Variants in SMCO2 observed in about 807,000 individuals in gnomAD.
The protein encoded by SMCO2 is single-pass membrane protein with coiled-coil domains 2.
SMCO2 carries 25 observed loss-of-function variants against 29.5 expected under a neutral mutation model. The ratio of observed to expected loss-of-function variants is 0.85; its 90% CI spans 0.62 to 1.18. The LOEUF (loss-of-function observed/expected upper bound fraction) is 1.18, where lower values mean the gene tolerates loss of function less well. SMCO2 is among the 50% of genes most tolerant of loss of function. SMCO2 has a pLI of 0.00. For synonymous variants in SMCO2, 117 were observed against 123.3 expected, an observed-to-expected ratio of 0.95 and a Z score of 0.34; for missense variants, 348 against 344.5, an observed-to-expected ratio of 1.01 and a Z score of -0.08.
the SMCO2 span, among the ~76,000 whole-genome samples, chr12:27,428,589 A>C: frequency 6.7e-6 from 1 of 150,060 alleles, no homozygotes; most frequent in Admixed American, 6.7e-5. Flanking sequence ...CTCAGCCACT[A>C]GTCACTGTGG....
chr12:27,459,223 G>A, the SMCO2 span, among the ~76,000 whole-genome samples: 1 of 150,620 alleles, frequency 6.6e-6, no homozygotes, highest in Admixed American at 6.6e-5. Context: ...GATTTGAATG[G>A]TAGACTGGAT....
chr12:27,438,886 G>A, the SMCO2 span, among the ~76,000 whole-genome samples: 1 of 151,934 alleles, frequency 6.6e-6, no homozygotes, highest in Non-Finnish European at 1.5e-5. Flanking sequence ...ACAGAGAAAT[G>A]GAAGAACTCT....
At chr12:27,439,232 G>T in the SMCO2 span, among the ~76,000 whole-genome samples, 1 of 152,288 alleles carries the variant, frequency 6.6e-6, no homozygotes, top group South Asian at 2.1e-4. Flanking sequence ...TGGCTGTTAG[G>T]AGGTATGTTC....
the SMCO2 span, among the ~76,000 whole-genome samples, chr12:27,432,256 T>C: frequency 6.6e-6 from 1 of 152,242 alleles, no homozygotes; most frequent in Non-Finnish European, 1.5e-5. Context: ...GCAGAAGCTT[T>C]TAAGTTTGAT....
At position 27,474,886 on chromosome 12, in the gene SMCO2, A is replaced by G; in HGVS notation, c.335A>G (p.Gln112Arg). ...GACCCTCAAGCGTCTACATCTCTGC[A>G]GTTTTCAAAGAAGAACCTCCTTGAA... Residue 112 changes from glutamine (Q) to arginine (R), a missense_variant, in exon 4 of 8, where the codon CAG becomes CGG. By Grantham distance (43) the Gln-to-Arg change is conservative. Transcript: ENST00000298876. 3.9e-6 allele frequency: 6 copies of G among 1,551,406 alleles called. No individual in the cohort carries two copies. The South Asian group carries it at 7.1e-5, about 18-fold the overall frequency.
chr12:27,459,598 C>T, the SMCO2 span, among the ~76,000 whole-genome samples: 3 of 152,162 alleles, frequency 2.0e-5, no homozygotes, highest in African/African-American at 7.2e-5. Context: ...AACAAATCTG[C>T]ACATGTACCC....
intron 4 of SMCO2, among the ~76,000 whole-genome samples, chr12:27,483,420 T>G (rs1395660507): frequency 6.6e-6 from 1 of 152,090 alleles, no homozygotes; most frequent in Non-Finnish European, 1.5e-5. Context: ...ATCCTTCTCT[T>G]TGTTTTTTTT....
intron 1 of SMCO2, among the ~76,000 whole-genome samples, chr12:27,468,654 A>G (rs1949517211): frequency 6.6e-6 from 1 of 152,216 alleles, no homozygotes; most frequent in Non-Finnish European, 1.5e-5. Context: ...TCATCAACAC[A>G]GGAAGTTCTA....
At chr12:27,438,399 G>T in the SMCO2 span, among the ~76,000 whole-genome samples, 1 of 152,276 alleles carries the variant, frequency 6.6e-6, no homozygotes, top group African/African-American at 2.4e-5. Flanking sequence ...GAGCAATGCA[G>T]CCGACAGCCT....
intron 4 of SMCO2, among the ~76,000 whole-genome samples, chr12:27,486,971 G>T (rs422522): frequency 0.12 from 18,667 of 151,934 alleles, 2,210 homozygotes; most frequent in African/African-American, 0.29. Flanking sequence ...AAATATATAT[G>T]CAAGGAACCC....
At chr12:27,438,024 C>T in the SMCO2 span, among the ~76,000 whole-genome samples, 15 of 152,168 alleles carry the variant, frequency 9.9e-5, no homozygotes, top group African/African-American at 3.6e-4. Context: ...CCTACACTCC[C>T]GGGCTTCCTG....
intron 4 of SMCO2, among the ~76,000 whole-genome samples, chr12:27,481,652 T>C (rs1315385823): frequency 6.6e-6 from 1 of 152,190 alleles, no homozygotes; most frequent in Non-Finnish European, 1.5e-5. Flanking sequence ...ATTTATGAAT[T>C]TTATTTTGTA....
At chr12:27,442,733 G>A in the SMCO2 span, among the ~76,000 whole-genome samples, 1 of 152,164 alleles carries the variant, frequency 6.6e-6, no homozygotes, top group African/African-American at 2.4e-5. Context: ...TGATCTTTCT[G>A]CCTTGGCTAC....
intron 4 of SMCO2, 89 bp from the exon 6 acceptor site, chr12:27,488,371 G>T (rs1949706889): frequency 2.5e-6 from 2 of 797,722 alleles, no homozygotes; most frequent in Non-Finnish European, 3.6e-6. Flanking sequence ...ATATGGGAAT[G>T]GTATTTCATT....
chr12:27,486,252 TC>T (rs1949688336), intron 4 of SMCO2, among the ~76,000 whole-genome samples: 1 of 152,224 alleles, frequency 6.6e-6, no homozygotes, highest in Non-Finnish European at 1.5e-5. Flanking sequence ...TGCAGCTCTC[TC>T]CTCTTTGGCA....
intron 5 of SMCO2, among the ~76,000 whole-genome samples, chr12:27,489,307 C>A (rs1349108738): frequency 6.6e-6 from 1 of 152,138 alleles, no homozygotes; most frequent in Non-Finnish European, 1.5e-5. Flanking sequence ...CCTCAGCCTC[C>A]CAAAGTGCTG....
the SMCO2 span, among the ~76,000 whole-genome samples, chr12:27,432,269 A>C: frequency 6.6e-6 from 1 of 152,170 alleles, no homozygotes; most frequent in Non-Finnish European, 1.5e-5. Flanking sequence ...AGTTTGATGC[A>C]GTCCTACTTG....
chr12:27,475,396 C>A (rs1451929310), intron 4 of SMCO2, among the ~76,000 whole-genome samples, 186 bp from the exon 5 acceptor site: 1 of 152,082 alleles, frequency 6.6e-6, no homozygotes, highest in African/African-American at 2.4e-5. Context: ...CTTTAAAGAT[C>A]TGCTAAAGTG....
At chr12:27,482,661 C>T (rs188527732) in intron 4 of SMCO2, among the ~76,000 whole-genome samples, 396 of 152,318 alleles carry the variant, frequency 2.6e-3, no homozygotes, top group African/African-American at 8.9e-3. Context: ...TTCCAGATAC[C>T]GTTCTCTTAC....
Sources: allele counts gnomAD v4.1 joint callset (sites outside exome capture counted in the v4.1 genomes callset), GRCh38; gene constraint gnomAD v4.1.1; transcripts MANE v1.5; gene names NCBI Gene and HGNC (gene_info 2026-07-23, HGNC 2026-07-21).